Variants in MAP3K9 observed in about 807,000 individuals in gnomAD.
MAP3K9 encodes mitogen-activated protein kinase kinase kinase 9, also known as mixed lineage kinase 1 (tyr and ser/thr specificity).
MAP3K9 carries 46 observed loss-of-function variants against 95.8 expected under a neutral mutation model. That is an observed-to-expected ratio of 0.48 (90% CI 0.38 to 0.61). MAP3K9 has a LOEUF of 0.61. Ranked by LOEUF, MAP3K9 falls within the 20% of genes least tolerant of loss-of-function variation. MAP3K9 has a pLI of 0.00. For synonymous variants in MAP3K9, 533 were observed against 593.8 expected, an observed-to-expected ratio of 0.90 and a Z score of 1.49; for missense variants, 1,296 against 1,474.3, an observed-to-expected ratio of 0.88 and a Z score of 1.98.
chr14:70,760,075 G>A (rs927738740), intron 3 of MAP3K9, among the ~76,000 whole-genome samples: 2 of 151,272 alleles, frequency 1.3e-5, no homozygotes, highest in East Asian at 3.9e-4. Context: ...ATTCTAAAGT[G>A]TACAAAGGAT....
intron 3 of MAP3K9, among the ~76,000 whole-genome samples, chr14:70,755,894 G>C (rs1017086019): frequency 1.3e-5 from 2 of 152,208 alleles, no homozygotes; most frequent in Non-Finnish European, 2.9e-5. Context: ...CCTGCTGGCA[G>C]ACCATGTGAC....
chr14:70,757,952 GA>G (rs1399004416), intron 3 of MAP3K9, among the ~76,000 whole-genome samples: 1 of 151,966 alleles, frequency 6.6e-6, no homozygotes, highest in Non-Finnish European at 1.5e-5. Context: ...AAAACTCTTA[GA>G]AAAAAATATA....
At chr14:70,777,264 TTTTTC>T (rs2054612342) in intron 2 of MAP3K9, among the ~76,000 whole-genome samples, 1 of 152,168 alleles carries the variant, frequency 6.6e-6, no homozygotes. Context: ...CCACTTATCT[TTTTTC>T]TTTTCTAAAA....
chr14:70,772,242 C>G (rs1460928151), intron 2 of MAP3K9, among the ~76,000 whole-genome samples: 1 of 152,228 alleles, frequency 6.6e-6, no homozygotes. Context: ...AACAAGGACT[C>G]AGGCACAGCA....
chr14:70,755,214 T>C (rs146352022), intron 3 of MAP3K9, among the ~76,000 whole-genome samples: 3 of 152,332 alleles, frequency 2.0e-5, no homozygotes, highest in African/African-American at 7.2e-5. Flanking sequence ...GTCAGTGAGT[T>C]ACAAGTCAGT....
At chr14:70,753,591 TCAA>T (rs1212321058) in intron 3 of MAP3K9, among the ~76,000 whole-genome samples, 4 of 152,062 alleles carry the variant, frequency 2.6e-5, no homozygotes, top group East Asian at 1.9e-4. Context: ...GGTTAAAAGG[TCAA>T]CAAGTCCTTT....
intron 2 of MAP3K9, among the ~76,000 whole-genome samples, chr14:70,800,153 G>C (rs963248640): frequency 6.6e-6 from 1 of 152,150 alleles, no homozygotes; most frequent in African/African-American, 2.4e-5. Flanking sequence ...ATATTACCAG[G>C]AAGTCATGCT....
At position 70,730,162 on chromosome 14, in the gene MAP3K9, TG is replaced by T; in HGVS notation, c.*217del. On this transcript the variant is annotated 3_prime_UTR_variant, in exon 12 of 12. Transcript: ENST00000554752. The stretch of plus-strand genomic sequence containing the variant: ...TCCTCCCCTACACAGCCAGAGCTGA[TG>T]GCCACAGCCCCTCCAGTGGACACGG... 1.6e-6 allele frequency: 1 copy of T among 613,486 alleles called. No homozygotes were observed. 38.0% of individuals were successfully genotyped at this position (613,486 alleles called of 1,614,324 possible). A position where few individuals can be genotyped will look rare whatever the true frequency, so the allele number is the denominator to read the frequency against.
At chr14:70,747,965 G>A (rs142998402) in intron 5 of MAP3K9, among the ~76,000 whole-genome samples, 8 of 151,998 alleles carry the variant, frequency 5.3e-5, no homozygotes, top group Non-Finnish European at 1.2e-4. Context: ...GAAATTAGCC[G>A]GGCGAGGTGG....
chr14:70,732,495 A>G, intron 11 of MAP3K9, 44 bp downstream of exon 11: 1 of 1,509,902 alleles, frequency 6.6e-7, no homozygotes, highest in East Asian at 2.3e-5. Context: ...TCACTCCCTG[A>G]GGAGGCACAA....
intron 2 of MAP3K9, among the ~76,000 whole-genome samples, chr14:70,794,410 T>C (rs1364355668): frequency 2.0e-5 from 3 of 152,142 alleles, no homozygotes; most frequent in Non-Finnish European, 4.4e-5. Flanking sequence ...AACGACGTTA[T>C]TCCCAATTAT....
chr14:70,771,348 C>T lies in MAP3K9; in HGVS notation c.821-10166G>A, dbSNP rs60286581. On this transcript the variant is annotated intron_variant, in intron 2 of 11. Coordinates refer to ENST00000554752, the MANE Select transcript of MAP3K9 (RefSeq NM_001284230.2). ...TACAAAGGAAACTTTTCAAAGGCTTCCGGCTTTCCATCACTTGGTTCTTCC... is the reference window on the plus strand; with the variant it reads ...TACAAAGGAAACTTTTCAAAGGCTTTCGGCTTTCCATCACTTGGTTCTTCC... 9.7e-3 allele frequency among the ~76,000 whole-genome samples: 1,479 copies of T among 152,202 alleles called. 33 individuals carry two copies. The highest frequency in any genetic ancestry group is 0.033 in the African/African-American group (1,385 of 41,500).
chr14:70,779,884 G>A (rs2054651031), intron 2 of MAP3K9, among the ~76,000 whole-genome samples: 1 of 152,216 alleles, frequency 6.6e-6, no homozygotes, highest in Non-Finnish European at 1.5e-5. Flanking sequence ...GTCAGCCAAG[G>A]GCATGCAGCA....
At chr14:70,777,962 G>A (rs919823752) in intron 2 of MAP3K9, among the ~76,000 whole-genome samples, 3 of 152,068 alleles carry the variant, frequency 2.0e-5, no homozygotes, top group Admixed American at 6.6e-5. Flanking sequence ...CAACCACTGT[G>A]GTTACTAGAA....
chr14:70,732,732 G>C lies in MAP3K9; in HGVS notation c.2637C>G (p.Pro879=). The C allele has an allele frequency of 6.2e-7, 1 of 1,605,254 alleles. No homozygotes were observed. Among genetic ancestry groups the C allele is most frequent in the South Asian group, 1.1e-5 (1 of 90,420 alleles). ...APPLSPCTHN[P]LVNVRVERFK... is the part of the protein sequence containing the mutation. ...AGCGCTCTACTCGGACATTGACCAG[G>C]GGGTTGTGGGTACATGGACTCAGGG... The change falls in exon 11 of 12, where the codon CCC becomes CCG. Residue 879 remains proline (P), a synonymous_variant. Coordinates refer to ENST00000554752, the MANE Select transcript of MAP3K9 (RefSeq NM_001284230.2).
At chr14:70,790,631 T>G (rs1566764097) in intron 2 of MAP3K9, among the ~76,000 whole-genome samples, 1 of 152,200 alleles carries the variant, frequency 6.6e-6, no homozygotes, top group Non-Finnish European at 1.5e-5. Flanking sequence ...ACCTTTTCCC[T>G]CCAAAATGAA....
chr14:70,742,819 A>T (rs1409528130), intron 5 of MAP3K9, among the ~76,000 whole-genome samples: 2 of 151,916 alleles, frequency 1.3e-5, no homozygotes, highest in African/African-American at 4.8e-5. Context: ...GTCAGAGAAG[A>T]TAAAGCCATA....
Position 70,730,421 on chromosome 14 carries a change from T to G in MAP3K9, c.3274A>C (p.Arg1092=). ...TGCTGGATCTCATAAGGGGCAGGCC[T>G]GTGTGTGTTCAGTTCCGCTCTGCAC... ...PLCRAELNTH[R]PAPYEIQQEF... The change falls in exon 12 of 12, where the codon AGG becomes CGG. Residue 1092 remains arginine (R), a synonymous_variant. Transcript: ENST00000554752. 1 of 1,614,052 alleles carries G rather than the reference T, an allele frequency of 6.2e-7. No individual in the cohort carries two copies. Among genetic ancestry groups the G allele is most frequent in the Non-Finnish European group, 8.5e-7 (1 of 1,179,958 alleles).
intron 3 of MAP3K9, among the ~76,000 whole-genome samples, chr14:70,759,056 C>T (rs2054334786): frequency 1.3e-5 from 2 of 152,212 alleles, no homozygotes; most frequent in East Asian, 3.9e-4. Context: ...TTCATAAAGA[C>T]AGAAAGGAAA....
Sources: gnomAD v4.1 joint callset for allele counts (sites outside exome capture counted in the v4.1 genomes callset) on GRCh38, gnomAD v4.1.1 for gene constraint, MANE v1.5 for transcripts, NCBI Gene and HGNC (gene_info 2026-07-23, HGNC 2026-07-21) for gene names.